Variants in TXNDC16 observed in about 807,000 individuals in gnomAD.
The protein encoded by TXNDC16 is thioredoxin domain containing 16, also known as thioredoxin domain-containing protein 16.
In TXNDC16, 74 loss-of-function variants were observed where a neutral mutation model predicts 85.6. The observed-to-expected ratio is 0.86, with a 90% CI of 0.72 to 1.05. TXNDC16 has a LOEUF of 1.05. Among genes scored for constraint, TXNDC16 ranks in the 50% least tolerant of loss-of-function variants. The pLI, the probability that TXNDC16 is intolerant of heterozygous loss-of-function variation, is 0.00. For missense variants in TXNDC16, 959 were observed against 947.0 expected (o/e 1.01, Z -0.17); for synonymous variants, 335 against 326.5 (o/e 1.03, Z -0.28).
At chr14:52,505,993 G>C (rs970956852) in intron 9 of TXNDC16, among the ~76,000 whole-genome samples, 1 of 152,128 alleles carries the variant, frequency 6.6e-6, no homozygotes, top group Non-Finnish European at 1.5e-5. Context: ...TAAATTCCTC[G>C]ACACGTAGAC....
intron 6 of TXNDC16, among the ~76,000 whole-genome samples, chr14:52,530,464 ATTAT>A (rs1566582789): frequency 2.8e-4 from 3 of 10,648 alleles, no homozygotes; most frequent in Admixed American, 2.4e-3. Flanking sequence ...AATAATATAT[ATTAT>A]ATATTATTAT....
At chr14:52,522,862 T>G (rs891596001) in intron 6 of TXNDC16, among the ~76,000 whole-genome samples, 1 of 152,166 alleles carries the variant, frequency 6.6e-6, no homozygotes, top group Non-Finnish European at 1.5e-5. Flanking sequence ...TTAATTTTCA[T>G]GGCAACCATC....
At chr14:52,458,276 T>C (rs1489018849) in intron 16 of TXNDC16, among the ~76,000 whole-genome samples, 1 of 152,160 alleles carries the variant, frequency 6.6e-6, no homozygotes, top group Non-Finnish European at 1.5e-5. Context: ...ATGAGACAAC[T>C]GGCCAGGTGC....
chr14:52,454,090 A>G (rs1341146864), intron 18 of TXNDC16, among the ~76,000 whole-genome samples: 1 of 152,174 alleles, frequency 6.6e-6, no homozygotes, highest in Non-Finnish European at 1.5e-5. Context: ...TGGATACCCT[A>G]TTTACTCTGA....
intron 1 of TXNDC16, among the ~76,000 whole-genome samples, chr14:52,549,192 G>A (rs979070314): frequency 6.6e-6 from 1 of 152,208 alleles, no homozygotes; most frequent in Non-Finnish European, 1.5e-5. Context: ...TCAGTATAAT[G>A]GTCCTGCTGG....
At chr14:52,529,948 T>C (rs1488988224) in intron 6 of TXNDC16, among the ~76,000 whole-genome samples, 1 of 102,068 alleles carries the variant, frequency 9.8e-6, no homozygotes, top group Non-Finnish European at 1.8e-5. Context: ...ATATGAATTA[T>C]ATATTACATA....
At chr14:52,510,542 G>C (rs1472280441) in intron 9 of TXNDC16, among the ~76,000 whole-genome samples, 1 of 150,360 alleles carries the variant, frequency 6.7e-6, no homozygotes, top group East Asian at 2.0e-4. Context: ...CACAAGTGTG[G>C]TGGTCATCTA....
chr14:52,520,317 C>A (rs900291364), intron 6 of TXNDC16, among the ~76,000 whole-genome samples: 5 of 152,200 alleles, frequency 3.3e-5, no homozygotes, highest in Non-Finnish European at 5.9e-5. Flanking sequence ...CCAAAATTAT[C>A]CCTTTTTTAA....
chr14:52,474,753 T>A (rs1382354846), intron 14 of TXNDC16, among the ~76,000 whole-genome samples: 2 of 151,124 alleles, frequency 1.3e-5, no homozygotes, highest in Admixed American at 1.3e-4. Context: ...AAATTACAGA[T>A]CACAGTGTCT....
intron 20 of TXNDC16, among the ~76,000 whole-genome samples, chr14:52,436,350 T>C (rs1325393921): frequency 6.6e-6 from 1 of 152,214 alleles, no homozygotes; most frequent in African/African-American, 2.4e-5. Flanking sequence ...ACCATTTATA[T>C]GAAATGTCTA....
chr14:52,510,550 C>A (rs2036930152), intron 9 of TXNDC16, among the ~76,000 whole-genome samples: 1 of 149,988 alleles, frequency 6.7e-6, no homozygotes, highest in African/African-American at 2.5e-5. Context: ...TGGTGGTCAT[C>A]TAAATTAACT....
At chr14:52,500,042 G>A (rs959954518) in intron 9 of TXNDC16, among the ~76,000 whole-genome samples, 2 of 151,658 alleles carry the variant, frequency 1.3e-5, no homozygotes, top group African/African-American at 4.8e-5. Context: ...AGATACAGAG[G>A]GCTGAGTATA....
At position 52,544,344 on chromosome 14, in the gene TXNDC16, G is replaced by A. The variant is rs2037897568; in HGVS notation, c.-154C>T. 1 of 151,882 alleles carries A rather than the reference G, an allele frequency of 6.6e-6. No individual in the cohort carries two copies. Among genetic ancestry groups the A allele is most frequent in the South Asian group, 2.1e-4 (1 of 4,818 alleles). 9.4% of individuals were successfully genotyped at this position (151,882 alleles called of 1,614,324 possible). Reference sequence around the variant, plus strand: ...TCAAATTTTTCTTGAACAACTTCAAGAAGTTTTCTACTGATGATCTATGTT... The same window carrying A: ...TCAAATTTTTCTTGAACAACTTCAAAAAGTTTTCTACTGATGATCTATGTT... On this transcript the variant is annotated 5_prime_UTR_variant, in exon 2 of 21. Transcript: ENST00000281741.
Position 52,527,043 on chromosome 14 carries a change from C to T in TXNDC16, c.393-7750G>A, listed in dbSNP as rs76322774. On this transcript the variant is annotated intron_variant, in intron 6 of 20. Coordinates refer to ENST00000281741, the MANE Select transcript of TXNDC16 (RefSeq NM_020784.3). Reference sequence around the variant, plus strand: ...CCCTTTCCATGTGCCCTGCCCCATGCATCTTTTCATCTGTATCCTTTGCGA... The same window carrying T: ...CCCTTTCCATGTGCCCTGCCCCATGTATCTTTTCATCTGTATCCTTTGCGA... 9.1e-3 allele frequency among the ~76,000 whole-genome samples: 1,393 copies of T among 152,324 alleles called. 12 individuals are homozygous for T. Among genetic ancestry groups the T allele is most frequent in the Non-Finnish European group, 0.014 (941 of 68,010 alleles).
rs1399433062 is a variant in TXNDC16 at position 52,529,651 on chromosome 14, TTATATATAATGCCTATTATATATAA to T, written c.392+7043_392+7067del. Among the ~76,000 whole-genome samples the T allele has an allele frequency of 3.5e-3, 352 of 100,824 alleles. 12 individuals are homozygous for T. Among genetic ancestry groups the T allele is most frequent in the African/African-American group, 0.01 (242 of 23,562 alleles). The allele number at this position is 100,824 out of a possible 152,430, so 66.1% of individuals were successfully genotyped here. ...TTATATATAATGCCTATTATATATA[TTATATATAATGCCTATTATATATAA>T]TATATATAATGCCTATTATATATAA... On this transcript the variant is annotated intron_variant, in intron 6 of 20. Coordinates refer to ENST00000281741, the MANE Select transcript of TXNDC16 (RefSeq NM_020784.3).
At chr14:52,515,109 T>C (rs768112263) in intron 7 of TXNDC16, 139 bp from the exon 8 acceptor site, 2 of 513,226 alleles carry the variant, frequency 3.9e-6, no homozygotes, top group Non-Finnish European at 6.5e-6. Flanking sequence ...GGGATACTAG[T>C]TGGGAAAATG....
intron 18 of TXNDC16, among the ~76,000 whole-genome samples, chr14:52,454,782 G>A (rs529940952): frequency 6.6e-6 from 1 of 151,764 alleles, no homozygotes; most frequent in African/African-American, 2.4e-5. Flanking sequence ...CAGCAACAGA[G>A]TGAGACCCAT....
intron 9 of TXNDC16, among the ~76,000 whole-genome samples, chr14:52,495,196 T>C (rs1268735499): frequency 1.3e-5 from 2 of 152,224 alleles, no homozygotes; most frequent in Non-Finnish European, 2.9e-5. Flanking sequence ...TAGTAGGCTA[T>C]TTCAACTGGA....
At chr14:52,513,714 C>T (rs1041821968) in intron 8 of TXNDC16, among the ~76,000 whole-genome samples, 8 of 151,342 alleles carry the variant, frequency 5.3e-5, no homozygotes, top group Middle Eastern at 3.5e-3. Flanking sequence ...ATATATATAA[C>T]TTACTGAACA....
Sources: gnomAD v4.1 joint callset for allele counts (sites outside exome capture counted in the v4.1 genomes callset) on GRCh38, gnomAD v4.1.1 for gene constraint, MANE v1.5 for transcripts, NCBI Gene and HGNC (gene_info 2026-07-23, HGNC 2026-07-21) for gene names.